The following MKLN1 variants were observed in gnomAD, a reference collection of about 807,000 sequenced individuals.
MKLN1 encodes the protein muskelin 1, also known as muskelin.
MKLN1 carries 18 observed loss-of-function variants against 99.0 expected under a neutral mutation model. The ratio of observed to expected loss-of-function variants is 0.18; its 90% confidence interval spans 0.13 to 0.27. The LOEUF is 0.27. Ranked by LOEUF, MKLN1 falls within the 10% of genes least tolerant of loss-of-function variation. MKLN1 has a pLI of 1.00. For missense variants in MKLN1, 621 were observed against 875.9 expected (o/e 0.71, Z 3.67); for synonymous variants, 288 against 293.2 (o/e 0.98, Z 0.18).
At chr7:131,345,245 T>C (rs1799525309) in intron 1 of MKLN1, among the ~76,000 whole-genome samples, 1 of 152,126 alleles carries the variant, frequency 6.6e-6, no homozygotes, top group African/African-American at 2.4e-5. Flanking sequence ...ACCGGAAGTG[T>C]TTTGGATTTT....
At chr7:131,273,851 C>G (rs1476030952) in intron 3 of MKLN1, among the ~76,000 whole-genome samples, 2 of 152,084 alleles carry the variant, frequency 1.3e-5, no homozygotes, top group Non-Finnish European at 2.9e-5. Flanking sequence ...TCAAGTGATC[C>G]TGCCTCGGCC....
At chr7:131,305,808 G>T (rs530265809) in intron 3 of MKLN1, among the ~76,000 whole-genome samples, 1 of 152,266 alleles carries the variant, frequency 6.6e-6, no homozygotes, top group African/African-American at 2.4e-5. Context: ...TATGTTGCAA[G>T]GAAAAGAGAG....
upstream of MKLN1, chr7:131,327,758 G>C: frequency 4.3e-6 from 6 of 1,399,814 alleles, no homozygotes; most frequent in Non-Finnish European, 5.6e-6. Flanking sequence ...ACATTGGCCC[G>C]GCGCTGGGCT....
chr7:131,315,164 T>C (rs1798641999), intron 3 of MKLN1, among the ~76,000 whole-genome samples: 1 of 151,778 alleles, frequency 6.6e-6, no homozygotes, highest in African/African-American at 2.4e-5. Flanking sequence ...AGTCTGCAGC[T>C]CCCAGCGAGA....
chr7:131,345,308 T>C (rs910592126), intron 1 of MKLN1, among the ~76,000 whole-genome samples: 3 of 152,224 alleles, frequency 2.0e-5, no homozygotes, highest in African/African-American at 4.8e-5. Flanking sequence ...TACTTAGCAG[T>C]TGAGCATCCC....
At chr7:131,478,776 T>A in intron 17 of MKLN1, 99 bp downstream of exon 17, 1 of 1,329,500 alleles carries the variant, frequency 7.5e-7, no homozygotes, top group Non-Finnish European at 1.1e-6. Flanking sequence ...GATGTTTCAG[T>A]CAAATAGATG....
At chr7:131,370,318 G>GT (rs750880005) in intron 1 of MKLN1, among the ~76,000 whole-genome samples, 1 of 144,738 alleles carries the variant, frequency 6.9e-6, no homozygotes, top group African/African-American at 2.5e-5. Flanking sequence ...CTGAGCTATT[G>GT]TTTTTTTCCT....
At chr7:131,150,199 A>T (rs561954788) in intron 2 of MKLN1, among the ~76,000 whole-genome samples, 1 of 152,200 alleles carries the variant, frequency 6.6e-6, no homozygotes, top group African/African-American at 2.4e-5. Context: ...ACCATTGTTC[A>T]TAACTTAAAA....
At chr7:131,469,653 A>G (rs535789074) in intron 15 of MKLN1, among the ~76,000 whole-genome samples, 1 of 152,196 alleles carries the variant, frequency 6.6e-6, no homozygotes, top group Non-Finnish European at 1.5e-5. Context: ...CAACCTGAAC[A>G]CCATCGTGAA....
At chr7:131,292,756 C>G (rs772300231) in intron 3 of MKLN1, among the ~76,000 whole-genome samples, 1 of 152,142 alleles carries the variant, frequency 6.6e-6, no homozygotes, top group Admixed American at 6.5e-5. Flanking sequence ...TTTAAGCCAC[C>G]CAATTTGTGA....
intron 3 of MKLN1, among the ~76,000 whole-genome samples, chr7:131,253,941 AACCTCAAGGACTG>A (rs1261805721): frequency 6.6e-6 from 1 of 152,208 alleles, no homozygotes; most frequent in African/African-American, 2.4e-5. Context: ...GGTCAGAACA[AACCTCAAGGACTG>A]ACCTCAAAAA....
chr7:131,437,640 C>G, intron 9 of MKLN1, 145 bp from the exon 10 acceptor site: 1 of 639,068 alleles, frequency 1.6e-6, no homozygotes, highest in Non-Finnish European at 2.7e-6. Context: ...GTGTTGGACT[C>G]ATATTGGTTG....
At chr7:131,235,699 C>T (rs1584857174) in intron 3 of MKLN1, among the ~76,000 whole-genome samples, 1 of 152,124 alleles carries the variant, frequency 6.6e-6, no homozygotes, top group Non-Finnish European at 1.5e-5. Flanking sequence ...TATCTTTTTT[C>T]AGTTCCGGTA....
chr7:131,156,447 C>CAAA lies in MKLN1; in HGVS notation c.-297+13527_-297+13529dup, dbSNP rs143988738. Among the ~76,000 whole-genome samples, 176 of 74,470 alleles carry CAAA rather than the reference C, an allele frequency of 2.4e-3. 5 individuals carry two copies. The highest frequency in any genetic ancestry group is 5.6e-3 in the African/African-American group (98 of 17,482). The allele number at this position is 74,470 out of a possible 152,430, so 48.9% of individuals were successfully genotyped here. The stretch of plus-strand genomic sequence containing the variant: ...TGGGTGACAGAGCAAGACTCTGTCT[C>CAAA]AAAAAAAAAAAAAAAAAAAAAAAGA... On this transcript the variant is annotated intron_variant, in intron 2 of 7. Coordinates refer to the MKLN1 transcript ENST00000416992.
intron 1 of MKLN1, among the ~76,000 whole-genome samples, chr7:131,128,212 A>G (rs1382548604): frequency 7.1e-6 from 1 of 140,930 alleles, no homozygotes; most frequent in Non-Finnish European, 1.5e-5. Context: ...ATTCAAAAAA[A>G]AAAAAAAAAC....
chr7:131,418,196 C>G (rs892077010), intron 8 of MKLN1, among the ~76,000 whole-genome samples: 1 of 151,718 alleles, frequency 6.6e-6, no homozygotes, highest in African/African-American at 2.4e-5. Flanking sequence ...TGGTAAAACC[C>G]CATCTCTACT....
intron 4 of MKLN1, among the ~76,000 whole-genome samples, 157 bp from the exon 5 acceptor site, chr7:131,397,110 A>G (rs1344137993): frequency 6.6e-6 from 1 of 152,176 alleles, no homozygotes; most frequent in Non-Finnish European, 1.5e-5. Flanking sequence ...GTTTCGTTTT[A>G]CTGTTGTAGC....
At chr7:131,315,106 T>TA (rs1254404019) in intron 3 of MKLN1, among the ~76,000 whole-genome samples, 2 of 152,076 alleles carry the variant, frequency 1.3e-5, no homozygotes, top group African/African-American at 4.8e-5. Flanking sequence ...ATGGAGTTCT[T>TA]AAACACTTTT....
At chr7:131,398,555 G>A (rs969652673) in intron 5 of MKLN1, among the ~76,000 whole-genome samples, 11 of 152,098 alleles carry the variant, frequency 7.2e-5, no homozygotes, top group Admixed American at 5.2e-4. Flanking sequence ...TTAGCTGGGC[G>A]TGGTAGCGCG....
Sources: allele counts gnomAD v4.1 joint callset (sites outside exome capture counted in the v4.1 genomes callset), GRCh38; gene constraint gnomAD v4.1.1; transcripts MANE v1.5; gene names NCBI Gene and HGNC (gene_info 2026-07-23, HGNC 2026-07-21).